Variants in PSD observed in about 807,000 individuals in gnomAD.
PSD encodes pleckstrin and Sec7 domain containing.
Under a neutral mutation model 91.6 loss-of-function variants are expected in PSD, and 32 were observed. The observed-to-expected ratio is 0.35, with a 90% CI of 0.26 to 0.47. PSD has a LOEUF of 0.47. Ranked by LOEUF, PSD falls within the 20% of genes least tolerant of loss-of-function variation. PSD has a pLI of 1.00. For synonymous variants in PSD, 532 were observed against 569.3 expected, an observed-to-expected ratio of 0.93 and a Z score of 0.93; for missense variants, 1,099 against 1,373.9, an observed-to-expected ratio of 0.80 and a Z score of 3.16.
intron 6 of PSD, 30 bp from the exon 7 acceptor site, chr10:102,412,257 T>C (rs780007773): frequency 1.2e-6 from 2 of 1,613,110 alleles, no homozygotes; most frequent in Non-Finnish European, 1.7e-6. Flanking sequence ...ACAGGTAGGG[T>C]CTCAAGGGGA....
rs986001677 is a variant in PSD, at chr10:102,414,261, T to C, written c.1125-64A>G. On this transcript the variant is annotated intron_variant, in intron 4 of 16. Coordinates refer to ENST00000020673, the MANE Select transcript of PSD (RefSeq NM_002779.5). This position sits in a 1 kb window ranked among gnomAD's most constrained non-coding sequence, Gnocchi z 5.6. ...TCACAGGGCTGGGGCAGGATTTCAC[T>C]GAACTCTCACACTGACTCTGCTAAG... 6.4e-6 allele frequency: 9 copies of C among 1,408,570 alleles called. No individual in the cohort carries two copies. The highest frequency in any genetic ancestry group is 1.4e-5 in the African/African-American group (1 of 69,474). The allele number at this position is 1,408,570 out of a possible 1,614,324, so 87.3% of individuals were successfully genotyped here.
chr10:102,408,427 C>T (rs1277253724), intron 10 of PSD, among the ~76,000 whole-genome samples: 1 of 152,204 alleles, frequency 6.6e-6, no homozygotes, highest in Admixed American at 6.5e-5. Context: ...ACTCCACCGC[C>T]CCCAGCACAA....
intron 11 of PSD, 48 bp downstream of exon 11, chr10:102,407,175 C>A: frequency 6.4e-7 from 1 of 1,561,480 alleles, no homozygotes; most frequent in Non-Finnish European, 8.7e-7. Flanking sequence ...CCAGGCAGCC[C>A]CTTCCCCATG....
At chr10:102,413,109 C>T (rs1233211137) in intron 5 of PSD, among the ~76,000 whole-genome samples, 2 of 152,072 alleles carry the variant, frequency 1.3e-5, no homozygotes, top group African/African-American at 2.4e-5. Context: ...GGTTAAGGGT[C>T]GGGGTGCATA....
At position 102,412,238 on chromosome 10, in the gene PSD, G is replaced by A; in HGVS notation, c.1749-11C>T. 6.2e-7 allele frequency: 1 copy of A among 1,614,046 alleles called. No homozygotes were observed. The highest frequency in any genetic ancestry group is 1.6e-4 in the Middle Eastern group (1 of 6,062). The stretch of plus-strand genomic sequence containing the variant: ...TTGCTGAAGTCATTGCTGTGGGCAG[G>A]GCAGAGAGACAGGTAGGGTCTCAAG... On this transcript the variant is annotated splice_polypyrimidine_tract_variant and intron_variant, in intron 6 of 16. Coordinates refer to ENST00000020673, the MANE Select transcript of PSD (RefSeq NM_002779.5).
At position 102,414,952 on chromosome 10, in the gene PSD, G is replaced by C; in HGVS notation, c.1035C>G (p.Leu345=). The C allele has an allele frequency of 6.4e-7, 1 of 1,558,370 alleles. No homozygotes were observed. Among genetic ancestry groups the C allele is most frequent in the Non-Finnish European group, 8.7e-7 (1 of 1,145,958 alleles). The change falls in exon 4 of 17, where the codon CTC becomes CTG. Residue 345 remains leucine, a synonymous_variant. Coordinates refer to ENST00000020673, the MANE Select transcript of PSD (RefSeq NM_002779.5). This position sits in a 1 kb window ranked among gnomAD's most constrained non-coding sequence, Gnocchi z 5.6. ...PGPLPGPHPS[L]GSGNEDEDDD... is the part of the protein sequence containing the mutation. ...CGTCCTCATCCTCATTGCCACTGCC[G>C]AGGCTGGGATGAGGGCCAGGGAGTG...
At position 102,405,265 on chromosome 10, in the gene PSD, G is replaced by A; in HGVS notation, c.2327-12C>T. 1 of 1,610,478 alleles carries A rather than the reference G, an allele frequency of 6.2e-7. No homozygotes were observed. Among genetic ancestry groups the A allele is most frequent in the Non-Finnish European group, 8.5e-7 (1 of 1,179,864 alleles). On this transcript the variant is annotated splice_polypyrimidine_tract_variant and intron_variant, in intron 12 of 16. Transcript: ENST00000020673. The surrounding 1 kb of genome is among the most constrained non-coding windows in gnomAD (Gnocchi z 5.4). ...CTTGCCCCGAGGTGCTGCGGGGAGA[G>A]AAGACAGGTCAGGGGGCCCTGGAAC...
Position 102,413,937 on chromosome 10 carries a change from G to A in PSD, c.1385C>T (p.Ala462Val). 2 of 1,613,994 alleles carry A rather than the reference G, an allele frequency of 1.2e-6. No individual in the cohort carries two copies. The highest frequency in any genetic ancestry group is 1.7e-6 in the Non-Finnish European group (2 of 1,179,936). The stretch of plus-strand genomic sequence containing the variant: ...GGTACCAGAATCCGGTTCAAGAGGG[G>A]CAAGTGGGGCGGGAGCTGGTGGGTC... Reference protein sequence around the residue: ...RPDPPAPAPLAPLEPDSGTSS... With the variant: ...RPDPPAPAPLVPLEPDSGTSS... The change falls in exon 5 of 17, where the codon GCC (alanine) becomes GTC (valine). Residue 462 changes from alanine (A) to valine (V), a missense_variant. Ala to Val is a moderately conservative substitution (Grantham distance 64). Coordinates refer to ENST00000020673, the MANE Select transcript of PSD (RefSeq NM_002779.5).
At chr10:102,418,173 C>G (rs1039013495) in intron 1 of PSD, among the ~76,000 whole-genome samples, 6 of 148,116 alleles carry the variant, frequency 4.1e-5, no homozygotes, top group Admixed American at 2.7e-4. Flanking sequence ...CACACAGACA[C>G]ACACACACAC....
Position 102,416,538 on chromosome 10 carries a change from T to A in PSD, c.501A>T (p.Leu167=), listed in dbSNP as rs778998385. Residue 167 remains leucine (L), a synonymous_variant, in exon 2 of 17, where the codon CTA becomes CTT. Coordinates refer to ENST00000020673, the MANE Select transcript of PSD (RefSeq NM_002779.5). This position sits in a 1 kb window ranked among gnomAD's most constrained non-coding sequence, Gnocchi z 6.0. The stretch of plus-strand genomic sequence containing the variant: ...CATGTACAAGGTTCCGGCTGCCAGG[T>A]AGGGCCGAGCCTCCTCTGGCGGGGA... ...DPLPARGGSA[L]PGSRNLVHGP... 2.5e-6 allele frequency: 4 copies of A among 1,609,446 alleles called. No homozygotes were observed. The African/African-American group carries it at 4.0e-5, about 16-fold the overall frequency.
In PSD at chr10:102,405,303, A is replaced by T; in HGVS notation, c.2326+43T>A. 1 of 1,608,504 alleles carries T rather than the reference A, an allele frequency of 6.2e-7. No individual in the cohort carries two copies. The highest frequency in any genetic ancestry group is 8.5e-7 in the Non-Finnish European group (1 of 1,179,066). ...GGGGCCCTGGAACAGGCCCACTCCC[A>T]TCCATCCCCTAGACGCCCGCCCCCC... On this transcript the variant is annotated intron_variant, in intron 12 of 16. Transcript: ENST00000020673. The surrounding 1 kb of genome is among the most constrained non-coding windows in gnomAD (Gnocchi z 5.4).
At chr10:102,418,590 G>A in intron 1 of PSD, 111 bp downstream of exon 1, 5 of 398,504 alleles carry the variant, frequency 1.3e-5, no homozygotes, top group Admixed American at 1.0e-4. Context: ...GGCAATGCAG[G>A]GGAGGGGCAG....
rs773796171 is a variant in PSD, at chr10:102,415,095, C to T, written c.892G>A (p.Glu298Lys). The T allele has an allele frequency of 5.0e-6, 8 of 1,613,878 alleles. No homozygotes were observed. The highest frequency in any genetic ancestry group is 1.3e-5 in the African/African-American group (1 of 74,946). ...GCCAGCACCTCATCGATGTCAGTCTCGCGGTAGCACCTCAGGGGCACCGTG... is the reference window on the plus strand; with the variant it reads ...GCCAGCACCTCATCGATGTCAGTCTTGCGGTAGCACCTCAGGGGCACCGTG... The part of the protein sequence containing the change: ...LDTVPLRCYR[E>K]TDIDEVLAER... Residue 298 changes from glutamate to lysine, a missense_variant, in exon 4 of 17, where the codon GAG (glutamate) becomes AAG (lysine). Physicochemically the swap from Glu to Lys is moderately conservative, Grantham distance 56. This residue lies in a region of PSD where 631 missense variants were observed against 728.8 expected (regional missense o/e 0.87). Transcript: ENST00000020673.
chr10:102,405,077 C>G lies in PSD; in HGVS notation c.2398-22G>C, dbSNP rs910569292. On this transcript the variant is annotated intron_variant, in intron 13 of 16. Transcript: ENST00000020673. The surrounding 1 kb of genome is among the most constrained non-coding windows in gnomAD (Gnocchi z 5.4). ...CCTCCTGCAGGGGTGTCCATCTTGT[C>G]CTGGCCCCAAATGCAGCCTGGCCCA... is the stretch of plus-strand genomic sequence containing the variant. 3 of 1,612,994 alleles carry G rather than the reference C, an allele frequency of 1.9e-6. No homozygotes were observed. The highest frequency in any genetic ancestry group is 3.3e-4 in the Middle Eastern group (2 of 6,056).
intron 1 of PSD, 30 bp downstream of exon 1, chr10:102,418,671 G>A: frequency 2.2e-6 from 1 of 455,198 alleles, no homozygotes; most frequent in Non-Finnish European, 4.4e-6. Flanking sequence ...ACCCGGTGCA[G>A]CCCCAACTCA....
chr10:102,418,068 C>T (rs376035994), intron 1 of PSD, among the ~76,000 whole-genome samples: 1 of 110,824 alleles, frequency 9.0e-6, no homozygotes, highest in East Asian at 2.9e-4. Context: ...CAAACACACA[C>T]ACACACACAC....
intron 10 of PSD, among the ~76,000 whole-genome samples, chr10:102,407,791 A>C (rs909510522): frequency 1.3e-5 from 2 of 152,078 alleles, no homozygotes; most frequent in Non-Finnish European, 2.9e-5. Flanking sequence ...ATACACTATC[A>C]TGGCTCCCAA....
chr10:102,403,549 G>T lies in PSD; in HGVS notation c.2845-119C>A. On this transcript the variant is annotated intron_variant, in intron 16 of 16. Transcript: ENST00000020673. The surrounding 1 kb of genome is among the most constrained non-coding windows in gnomAD (Gnocchi z 6.7). ...ATGGCAGGTGCCCACCCAGGACTGT[G>T]AGATGGTCCCATGCGGGCTGGTGCC... 1 of 1,011,512 alleles carries T rather than the reference G, an allele frequency of 9.9e-7. No individual in the cohort carries two copies. Among genetic ancestry groups the T allele is most frequent in the Non-Finnish European group, 1.4e-6 (1 of 703,474 alleles). The allele number at this position is 1,011,512 out of a possible 1,614,324, so 62.7% of individuals were successfully genotyped here.
At chr10:102,415,466 T>TTTTA (rs111940739) in intron 3 of PSD, among the ~76,000 whole-genome samples, 18 of 152,130 alleles carry the variant, frequency 1.2e-4, no homozygotes, top group African/African-American at 2.2e-4. Flanking sequence ...TTTCTGTCTT[T>TTTTA]TTTATTTATT....
Sources: allele counts gnomAD v4.1 joint callset (sites outside exome capture counted in the v4.1 genomes callset), GRCh38; gene constraint gnomAD v4.1.1; regional missense constraint gnomAD v4.1.1; non-coding constraint Gnocchi (gnomAD v3.1); transcripts MANE v1.5; gene names NCBI Gene and HGNC (gene_info 2026-07-23, HGNC 2026-07-21).